MRPL45: variants seen among roughly 807,000 people sequenced by gnomAD.
The protein encoded by MRPL45 is large ribosomal subunit protein mL45.
MRPL45 carries 20 observed loss-of-function variants against 38.1 expected under a neutral mutation model. That is an observed-to-expected ratio of 0.53 (90% CI 0.37 to 0.76). The LOEUF (loss-of-function observed/expected upper bound fraction) is 0.76. Ranked by LOEUF, MRPL45 falls within the 30% of genes least tolerant of loss-of-function variation. The pLI is 0.00. For missense variants in MRPL45, 337 were observed against 395.6 expected, an observed-to-expected ratio of 0.85 and a Z score of 1.26; for synonymous variants, 105 against 128.8, an observed-to-expected ratio of 0.82 and a Z score of 1.25.
intron 5 of MRPL45, among the ~76,000 whole-genome samples, chr17:38,320,338 A>G (rs1430693378): frequency 6.6e-6 from 1 of 152,152 alleles, no homozygotes; most frequent in African/African-American, 2.4e-5. Flanking sequence ...GCATGCTGGC[A>G]GTTTGGAATG....
At chr17:38,302,455 C>G (rs1456232226) in intron 3 of MRPL45, among the ~76,000 whole-genome samples, 2 of 131,640 alleles carry the variant, frequency 1.5e-5, no homozygotes, top group Non-Finnish European at 3.1e-5. Flanking sequence ...CCACTGCATT[C>G]CAGCCTGGGC....
intron 4 of MRPL45, among the ~76,000 whole-genome samples, chr17:38,311,098 C>T (rs1261140696): frequency 1.3e-5 from 2 of 152,024 alleles, no homozygotes; most frequent in Non-Finnish European, 2.9e-5. Context: ...CAATGTTGTA[C>T]AATTCTTACC....
chr17:38,313,333 C>CATAT (rs1555562014), intron 4 of MRPL45, among the ~76,000 whole-genome samples: 2 of 17,254 alleles, frequency 1.2e-4, no homozygotes, highest in African/African-American at 4.6e-4. Context: ...TATATATATA[C>CATAT]ATATATATAT....
intron 4 of MRPL45, among the ~76,000 whole-genome samples, chr17:38,312,947 A>G (rs994067446): frequency 2.0e-5 from 3 of 149,484 alleles, no homozygotes; most frequent in African/African-American, 4.9e-5. Flanking sequence ...CAGTTTCTCT[A>G]CATCCTCACT....
intron 6 of MRPL45, among the ~76,000 whole-genome samples, chr17:38,321,382 CT>C (rs1318311671): frequency 6.6e-6 from 1 of 151,970 alleles, no homozygotes; most frequent in African/African-American, 2.4e-5. Flanking sequence ...TCCGAGATAA[CT>C]TTTTTTCTAC....
At chr17:38,306,420 A>C in intron 3 of MRPL45, 113 bp from the exon 4 acceptor site, 1 of 1,372,450 alleles carries the variant, frequency 7.3e-7, no homozygotes, top group East Asian at 2.5e-5. Flanking sequence ...GAAAAAAAAA[A>C]AAAAGCTAAA....
At chr17:38,303,999 C>G (rs561669802) in intron 3 of MRPL45, among the ~76,000 whole-genome samples, 1,714 of 152,250 alleles carry the variant, frequency 0.011, 16 homozygotes, top group Non-Finnish European at 0.018. Context: ...TTTATGTTTT[C>G]ATAGTCTATT....
intron 5 of MRPL45, 106 bp from the exon 6 acceptor site, chr17:38,320,512 G>A: frequency 8.5e-7 from 1 of 1,181,014 alleles, no homozygotes; most frequent in East Asian, 2.4e-5. Context: ...TGGGAAACGT[G>A]CTGCCTGTTG....
chr17:38,311,684 CAAAAAAA>C (rs756151374), intron 4 of MRPL45, among the ~76,000 whole-genome samples: 2 of 92,304 alleles, frequency 2.2e-5, no homozygotes, highest in African/African-American at 7.6e-5. Context: ...GACTCCGTCT[CAAAAAAA>C]AAAAAAAAAA....
chr17:38,301,643 A>G (rs567043151), intron 3 of MRPL45, among the ~76,000 whole-genome samples: 46 of 152,314 alleles, frequency 3.0e-4, no homozygotes, highest in African/African-American at 1.0e-3. Flanking sequence ...CTGTACTGCA[A>G]TGTTTCCTCT....
intron 4 of MRPL45, among the ~76,000 whole-genome samples, chr17:38,318,118 G>C (rs1285293442): frequency 6.8e-6 from 1 of 147,820 alleles, no homozygotes; most frequent in Non-Finnish European, 1.5e-5. Flanking sequence ...TGAGGCAGGA[G>C]AACCGCTTGA....
At chr17:38,301,872 CT>C (rs1284665732) in intron 3 of MRPL45, among the ~76,000 whole-genome samples, 2 of 152,108 alleles carry the variant, frequency 1.3e-5, no homozygotes, top group African/African-American at 4.8e-5. Flanking sequence ...AATCCCAGCG[CT>C]TTGGGATGAC....
intron 3 of MRPL45, among the ~76,000 whole-genome samples, chr17:38,299,817 AC>A (rs1056409695): frequency 6.6e-6 from 1 of 151,402 alleles, no homozygotes; most frequent in Admixed American, 6.6e-5. Flanking sequence ...GCTCACCGCA[AC>A]CTCCGCCTCC....
At chr17:38,322,367 G>T (rs557226912) in intron 7 of MRPL45, 68 bp downstream of exon 7, 4 of 1,301,344 alleles carry the variant, frequency 3.1e-6, no homozygotes, top group East Asian at 4.4e-5. Flanking sequence ...ACTCTGTCGG[G>T]CTCCACCTAG....
intron 4 of MRPL45, among the ~76,000 whole-genome samples, chr17:38,315,331 C>T (rs1256330966): frequency 6.6e-6 from 1 of 152,132 alleles, no homozygotes; most frequent in African/African-American, 2.4e-5. Flanking sequence ...GATAGCTGCA[C>T]TGCAGCCTCA....
At chr17:38,305,528 G>A (rs1342088379) in intron 3 of MRPL45, among the ~76,000 whole-genome samples, 2 of 149,390 alleles carry the variant, frequency 1.3e-5, no homozygotes, top group Non-Finnish European at 3.0e-5. Flanking sequence ...ATGGAGTCTC[G>A]CTCTGTTTCC....
chr17:38,322,272 G>C lies in MRPL45; in HGVS notation c.807G>C (p.Trp269Cys). The change falls in exon 7 of 8, where the codon TGG (tryptophan) becomes TGC (cysteine). Residue 269 changes from tryptophan to cysteine, a missense_variant. Physicochemically the swap from Trp to Cys is radical, Grantham distance 215. Transcript: ENST00000613675. ...TGCATACCAAGATCGTTCCCCCATGGGCACCCCCTAAGCAGCCCATCCTTA... is the reference window on the plus strand; with the variant it reads ...TGCATACCAAGATCGTTCCCCCATGCGCACCCCCTAAGCAGCCCATCCTTA... ...WRMHTKIVPP[W>C]APPKQPILKT... is the part of the protein sequence containing the mutation. 1 of 1,614,034 alleles carries C rather than the reference G, an allele frequency of 6.2e-7. No individual in the cohort carries two copies. Among genetic ancestry groups the C allele is most frequent in the Non-Finnish European group, 8.5e-7 (1 of 1,180,008 alleles).
At chr17:38,311,029 T>C (rs982322815) in intron 4 of MRPL45, among the ~76,000 whole-genome samples, 1 of 152,188 alleles carries the variant, frequency 6.6e-6, no homozygotes, top group Non-Finnish European at 1.5e-5. Flanking sequence ...ACACATAATA[T>C]ACAATTTACC....
At chr17:38,318,139 T>G (rs1331687419) in intron 4 of MRPL45, among the ~76,000 whole-genome samples, 6 of 130,594 alleles carry the variant, frequency 4.6e-5, no homozygotes, top group South Asian at 2.4e-4. Context: ...ACCTGGGAGG[T>G]GGAGGTTGCA....
Sources: gnomAD v4.1 joint callset for allele counts (sites outside exome capture counted in the v4.1 genomes callset) on GRCh38, gnomAD v4.1.1 for gene constraint, MANE v1.5 for transcripts, NCBI Gene and HGNC (gene_info 2026-07-23, HGNC 2026-07-21) for gene names.